SPEF1: variants seen among roughly 807,000 people sequenced by gnomAD.
The protein encoded by SPEF1 is sperm flagellar and cilia associated 1.
SPEF1 carries 30 observed loss-of-function variants against 31.8 expected under a neutral mutation model. The observed-to-expected ratio is 0.94, with a 90% CI of 0.70 to 1.28. SPEF1 has a LOEUF of 1.28. Ranked by LOEUF, SPEF1 falls within the 50% of genes most tolerant of loss-of-function variation. The pLI is 0.00. For missense variants in SPEF1, 298 were observed against 309.6 expected (o/e 0.96, Z 0.28); for synonymous variants, 126 against 130.1 (o/e 0.97, Z 0.21).
In SPEF1 at chr20:3,778,763, C is replaced by G; in HGVS notation, c.462G>C (p.Gln154His). 1 of 1,613,774 alleles carries G rather than the reference C, an allele frequency of 6.2e-7. No homozygotes were observed. Among genetic ancestry groups the G allele is most frequent in the South Asian group, 1.1e-5 (1 of 91,058 alleles). ...KARGEGVPDP[Q>H]GGGQLSWDRP... ...TTCTTTACCTGAGCTGACCCCCTCC[C>G]TGGGGGTCCGGGACACCTTCACCTC... The change falls in exon 5 of 7, where the codon CAG becomes CAC. Residue 154 changes from glutamine (Q) to histidine (H), a missense_variant. Physicochemically the swap from Gln to His is conservative, Grantham distance 24. Coordinates refer to ENST00000379756, the MANE Select transcript of SPEF1 (RefSeq NM_015417.5).
At chr20:3,780,355 A>G (rs1321592143) in intron 1 of SPEF1, among the ~76,000 whole-genome samples, 7 of 150,564 alleles carry the variant, frequency 4.6e-5, no homozygotes, top group South Asian at 2.1e-4. Flanking sequence ...AAAAAAAAAA[A>G]AGAGAATGAG....
In SPEF1 at chr20:3,778,823, G is replaced by A. The variant is rs1474204617; in HGVS notation, c.419-17C>T. The A allele has an allele frequency of 6.2e-7, 1 of 1,613,874 alleles. No individual in the cohort carries two copies. The highest frequency in any genetic ancestry group is 8.5e-7 in the Non-Finnish European group (1 of 1,179,854). The stretch of plus-strand genomic sequence containing the variant: ...GGGATACACCTGAGACAAGGCAAGT[G>A]GAGGAATGACTGTGCTGGAGTCTCA... On this transcript the variant is annotated splice_polypyrimidine_tract_variant and intron_variant, in intron 4 of 6. Coordinates refer to ENST00000379756, the MANE Select transcript of SPEF1 (RefSeq NM_015417.5).
Position 3,781,308 on chromosome 20 carries a change from C to G in SPEF1, c.-21G>C. The G allele has an allele frequency of 6.2e-7, 1 of 1,610,032 alleles. No homozygotes were observed. Among genetic ancestry groups the G allele is most frequent in the Non-Finnish European group, 8.5e-7 (1 of 1,178,566 alleles). On this transcript the variant is annotated 5_prime_UTR_variant, in exon 1 of 7. Transcript: ENST00000379756. ...GCCATTGGCGTCCTCACGGCCTGGC[C>G]GCCCCAGCGGTGCCGGGTCCCGCCC...
rs547178154 is a variant in SPEF1 at position 3,781,038 on chromosome 20, A to G, written c.109+141T>C. 1.1e-5 allele frequency: 12 copies of G among 1,047,634 alleles called. No homozygotes were observed. The African/African-American group carries it at 1.9e-4, about 17-fold the overall frequency. The allele number at this position is 1,047,634 out of a possible 1,614,324, so 64.9% of individuals were successfully genotyped here. On this transcript the variant is annotated intron_variant, in intron 1 of 6. Coordinates refer to ENST00000379756, the MANE Select transcript of SPEF1 (RefSeq NM_015417.5). ...CACACACAGATGCAAATAGAAAACA[A>G]GCACACACATCTAAAATTTGAAGTC...
At chr20:3,781,055 T>C (rs776795972) in intron 1 of SPEF1, 124 bp downstream of exon 1, 28 of 1,299,044 alleles carry the variant, frequency 2.2e-5, no homozygotes, top group Non-Finnish European at 3.0e-5. Flanking sequence ...ACATCTAAAA[T>C]TTGAAGTCCC....
Position 3,781,292 on chromosome 20 carries a change from G to T in SPEF1, c.-5C>A. The T allele has an allele frequency of 6.2e-7, 1 of 1,613,102 alleles. No individual in the cohort carries two copies. Among genetic ancestry groups the T allele is most frequent in the Non-Finnish European group, 8.5e-7 (1 of 1,179,664 alleles). ...CTCGTCCACGCTGCTCGCCATTGGC[G>T]TCCTCACGGCCTGGCCGCCCCAGCG... On this transcript the variant is annotated 5_prime_UTR_variant, in exon 1 of 7. Coordinates refer to ENST00000379756, the MANE Select transcript of SPEF1 (RefSeq NM_015417.5).
chr20:3,778,171 T>C lies in SPEF1; in HGVS notation c.*41A>G. On this transcript the variant is annotated 3_prime_UTR_variant, in exon 7 of 7. Coordinates refer to ENST00000379756, the MANE Select transcript of SPEF1 (RefSeq NM_015417.5). ...TGGGTCCGGCGCGGCGTCGGGGCTC[T>C]GGCGGGTACCCGGGCGTCCCCGCGC... The C allele has an allele frequency of 2.1e-6, 3 of 1,413,596 alleles. No individual in the cohort carries two copies. Among genetic ancestry groups the C allele is most frequent in the Non-Finnish European group, 1.9e-6 (2 of 1,049,004 alleles). The allele number at this position is 1,413,596 out of a possible 1,614,324, so 87.6% of individuals were successfully genotyped here.
intron 1 of SPEF1, 45 bp downstream of exon 1, chr20:3,781,134 C>T (rs761146630): frequency 1.2e-6 from 2 of 1,605,110 alleles, no homozygotes; most frequent in East Asian, 2.2e-5. Flanking sequence ...ACCCGTTACA[C>T]ACGAACATAC....
Sources: allele counts gnomAD v4.1 joint callset (sites outside exome capture counted in the v4.1 genomes callset), GRCh38; gene constraint gnomAD v4.1.1; transcripts MANE v1.5; gene names NCBI Gene and HGNC (gene_info 2026-07-23, HGNC 2026-07-21).